Variants in WWOX observed in about 807,000 individuals in gnomAD.
The protein encoded by WWOX is WW domain containing oxidoreductase.
Under a neutral mutation model 46.2 loss-of-function variants are expected in WWOX, and 69 were observed. The observed-to-expected ratio is 1.49, with a 90% CI of 1.23 to 1.82. The LOEUF is 1.82. Among genes scored for constraint, WWOX ranks in the 40% most tolerant of loss-of-function variants. WWOX has a pLI of 0.00. For missense variants in WWOX, 919 were observed against 542.6 expected, an observed-to-expected ratio of 1.69 and a Z score of -6.89; for synonymous variants, 359 against 202.6, an observed-to-expected ratio of 1.77 and a Z score of -6.56.
chr16:78,397,245 C>A (rs752013387), intron 6 of WWOX, among the ~76,000 whole-genome samples: 1 of 151,050 alleles, frequency 6.6e-6, no homozygotes, highest in Non-Finnish European at 1.5e-5. Flanking sequence ...GTTTCAATAA[C>A]GAAGATACTG....
rs888641234 is a variant in WWOX at position 78,537,328 on chromosome 16, A to G, written c.1056+104576A>G. On this transcript the variant is annotated intron_variant, in intron 8 of 8. Coordinates refer to ENST00000566780, the MANE Select transcript of WWOX (RefSeq NM_016373.4). ...CTTTGAAATAACCCAATGATACATG[A>G]TATGCATTTTCTAGGTAGATAGATG... 4.5e-4 allele frequency among the ~76,000 whole-genome samples: 69 copies of G among 152,104 alleles called. 1 individual carries two copies. The highest frequency in any genetic ancestry group is 1.6e-3 in the African/African-American group (65 of 41,414).
At chr16:78,986,815 T>C (rs1199551735) in intron 8 of WWOX, among the ~76,000 whole-genome samples, 1 of 152,256 alleles carries the variant, frequency 6.6e-6, no homozygotes, top group Non-Finnish European at 1.5e-5. Flanking sequence ...CAAAGATTAA[T>C]TCCACAGAGA....
chr16:79,094,792 A>G (rs890107861), intron 8 of WWOX, among the ~76,000 whole-genome samples: 4 of 152,192 alleles, frequency 2.6e-5, no homozygotes, highest in Non-Finnish European at 5.9e-5. Flanking sequence ...GAGGGAGGAA[A>G]CGAGAAGAGA....
chr16:78,880,160 C>G (rs181205929), intron 8 of WWOX, among the ~76,000 whole-genome samples: 1 of 152,172 alleles, frequency 6.6e-6, no homozygotes, highest in Non-Finnish European at 1.5e-5. Context: ...GATGTTGGAT[C>G]AAATCAGACA....
intron 8 of WWOX, among the ~76,000 whole-genome samples, chr16:79,069,004 C>A (rs1404955120): frequency 1.3e-5 from 2 of 152,008 alleles, no homozygotes; most frequent in African/African-American, 4.8e-5. Flanking sequence ...TTGGTGTGCA[C>A]CTGAGAAGTA....
chr16:78,142,429 G>A lies in WWOX; in HGVS notation c.410-21754G>A, dbSNP rs12599772. Reference sequence around the variant, plus strand: ...ACATTTGTAAAAACATTATCAAGCTGCAAAAGAACTAGAAATGCTAGATAC... The same window carrying A: ...ACATTTGTAAAAACATTATCAAGCTACAAAAGAACTAGAAATGCTAGATAC... On this transcript the variant is annotated intron_variant, in intron 4 of 8. Transcript: ENST00000566780. Among the ~76,000 whole-genome samples, 11 of 152,278 alleles carry A rather than the reference G, an allele frequency of 7.2e-5. No individual in the cohort carries two copies. The East Asian group carries it at 1.9e-3, about 27-fold the overall frequency.
chr16:78,471,078 T>A (rs373204955), intron 8 of WWOX, among the ~76,000 whole-genome samples: 49 of 152,310 alleles, frequency 3.2e-4, no homozygotes, highest in African/African-American at 1.1e-3. Context: ...GGATGCTGAT[T>A]TGATGCTTCC....
At chr16:78,467,891 T>C (rs2151431222) in intron 8 of WWOX, among the ~76,000 whole-genome samples, 1 of 152,340 alleles carries the variant, frequency 6.6e-6, no homozygotes, top group Non-Finnish European at 1.5e-5. Flanking sequence ...GACTCCAAAC[T>C]CAGTGATACT....
chr16:79,037,869 C>G (rs934977973), intron 8 of WWOX, among the ~76,000 whole-genome samples: 2 of 152,018 alleles, frequency 1.3e-5, no homozygotes, highest in African/African-American at 2.4e-5. Context: ...TCTGGGTGGC[C>G]GACTGTGCCA....
At chr16:78,359,916 T>A (rs2081374069) in intron 5 of WWOX, among the ~76,000 whole-genome samples, 1 of 152,198 alleles carries the variant, frequency 6.6e-6, no homozygotes, top group Non-Finnish European at 1.5e-5. Context: ...GATTGTTAGT[T>A]TTCTGTGGAG....
At chr16:78,790,026 G>A (rs1202999083) in intron 8 of WWOX, among the ~76,000 whole-genome samples, 1 of 152,204 alleles carries the variant, frequency 6.6e-6, no homozygotes, top group African/African-American at 2.4e-5. Flanking sequence ...GGACACTCAA[G>A]AGGATTAAAT....
chr16:78,765,013 C>G (rs946653903), intron 8 of WWOX, among the ~76,000 whole-genome samples: 2 of 152,182 alleles, frequency 1.3e-5, no homozygotes, highest in Admixed American at 6.5e-5. Context: ...CAGGAAGGAA[C>G]AGGACAAGAA....
chr16:78,697,820 AT>A (rs1239914243), intron 8 of WWOX, among the ~76,000 whole-genome samples: 2 of 152,114 alleles, frequency 1.3e-5, no homozygotes, highest in African/African-American at 4.8e-5. Context: ...GTTGAGGAGC[AT>A]CTGTATCTGT....
chr16:78,773,930 G>A (rs1031766824), intron 8 of WWOX, among the ~76,000 whole-genome samples: 2 of 152,156 alleles, frequency 1.3e-5, no homozygotes, highest in African/African-American at 4.8e-5. Flanking sequence ...GTTTTCCCAG[G>A]CCCTTCATGG....
intron 8 of WWOX, among the ~76,000 whole-genome samples, chr16:79,201,737 T>A (rs1409616563): frequency 6.6e-6 from 1 of 151,856 alleles, no homozygotes; most frequent in Non-Finnish European, 1.5e-5. Flanking sequence ...CTGTTTTTTT[T>A]CACTTTTGTC....
At chr16:78,632,346 T>A (rs765771068) in intron 8 of WWOX, among the ~76,000 whole-genome samples, 1 of 152,160 alleles carries the variant, frequency 6.6e-6, no homozygotes, top group Admixed American at 6.6e-5. Context: ...TAGGTCAGCA[T>A]GCCCAAAGTA....
chr16:78,312,945 C>T lies in WWOX; in HGVS notation c.517-73915C>T, dbSNP rs2151876450. ...CATTCTCTCCCCTTATCAGTGGGTT[C>T]CCAGCTGCCTGGTGTACAGGAGGGT... On this transcript the variant is annotated intron_variant, in intron 5 of 8. Coordinates refer to ENST00000566780, the MANE Select transcript of WWOX (RefSeq NM_016373.4). Among the ~76,000 whole-genome samples, 5 of 152,268 alleles carry T rather than the reference C, an allele frequency of 3.3e-5. No individual in the cohort carries two copies. In the Middle Eastern group the frequency reaches 0.017, roughly 518 times the overall value.
intron 8 of WWOX, among the ~76,000 whole-genome samples, chr16:78,783,327 G>T (rs985951065): frequency 6.6e-6 from 1 of 152,248 alleles, no homozygotes; most frequent in South Asian, 2.1e-4. Flanking sequence ...GCCATGGCCA[G>T]TGGAGACAGG....
intron 8 of WWOX, among the ~76,000 whole-genome samples, chr16:78,683,195 A>C (rs1485390775): frequency 6.6e-6 from 1 of 152,122 alleles, no homozygotes; most frequent in East Asian, 1.9e-4. Flanking sequence ...ATTTTTTTTA[A>C]ATTCATTTTT....
Sources: allele counts gnomAD v4.1 joint callset (sites outside exome capture counted in the v4.1 genomes callset), GRCh38; gene constraint gnomAD v4.1.1; transcripts MANE v1.5; gene names NCBI Gene and HGNC (gene_info 2026-07-23, HGNC 2026-07-21).